DERA: variants seen among roughly 807,000 people sequenced by gnomAD.
DERA encodes the protein 2-deoxy-D-ribose 5-phosphate aldolase.
Under a neutral mutation model 41.1 loss-of-function variants are expected in DERA, and 15 were observed. The observed-to-expected ratio is 0.37, with a 90% CI of 0.24 to 0.56. DERA has a LOEUF of 0.56. Among genes scored for constraint, DERA ranks in the 20% least tolerant of loss-of-function variants. The probability of loss-of-function intolerance (pLI) is 0.81; values close to 1 mark genes in which losing one functional copy is unlikely to be tolerated. For missense variants in DERA, 396 were observed against 403.4 expected (o/e 0.98, Z 0.16); for synonymous variants, 139 against 137.4 (o/e 1.01, Z -0.08).
At chr12:16,031,694 G>A (rs966542703) in intron 6 of DERA, among the ~76,000 whole-genome samples, 1 of 152,102 alleles carries the variant, frequency 6.6e-6, no homozygotes, top group African/African-American at 2.4e-5. Flanking sequence ...TATTGTTTAG[G>A]CTAGATTACT....
chr12:16,022,504 T>TC (rs1208906265), intron 6 of DERA, among the ~76,000 whole-genome samples: 4 of 152,134 alleles, frequency 2.6e-5, no homozygotes, highest in Admixed American at 6.5e-5. Context: ...CATTCTTATT[T>TC]CCCCCCACAC....
At chr12:15,962,979 A>T in intron 5 of DERA, 32 bp downstream of exon 5, 2 of 1,591,362 alleles carry the variant, frequency 1.3e-6, no homozygotes, top group Non-Finnish European at 1.7e-6. Flanking sequence ...AGAGAGTTTC[A>T]CCATTCTTCC....
Position 15,911,663 on chromosome 12 carries a change from T to C in DERA, c.31+249T>C. ...AAGGAGTAGGAAAGGGTTAGATTAT[T>C]ATCTTCCTGCCTTTTCGTTCACTCT... On this transcript the variant is annotated intron_variant, in intron 1 of 8. Coordinates refer to ENST00000428559, the MANE Select transcript of DERA (RefSeq NM_015954.4). This position sits in a 1 kb window ranked among gnomAD's most constrained non-coding sequence, Gnocchi z 4.5. 1.5e-6 allele frequency: 1 copy of C among 689,232 alleles called. No homozygotes were observed. 42.7% of individuals were successfully genotyped at this position (689,232 alleles called of 1,614,324 possible). A position where few individuals can be genotyped will look rare whatever the true frequency, so the allele number is the denominator to read the frequency against.
chr12:15,918,649 T>C lies in DERA; in HGVS notation c.31+7235T>C, dbSNP rs1040994004. Among the ~76,000 whole-genome samples the C allele has an allele frequency of 5.3e-5, 8 of 152,232 alleles. No homozygotes were observed. Among genetic ancestry groups the C allele is most frequent in the Non-Finnish European group, 7.3e-5 (5 of 68,044 alleles). On this transcript the variant is annotated intron_variant, in intron 1 of 8. Transcript: ENST00000428559. This position sits in a 1 kb window ranked among gnomAD's most constrained non-coding sequence, Gnocchi z 4.3. Reference sequence around the variant, plus strand: ...CCTGGCACTTGTTACTTGCTGCTCATGGTCATGGCAGGGATGCCAAGGTGA... The same window carrying C: ...CCTGGCACTTGTTACTTGCTGCTCACGGTCATGGCAGGGATGCCAAGGTGA...
intron 1 of DERA, among the ~76,000 whole-genome samples, chr12:15,950,408 A>G (rs988743075): frequency 2.0e-5 from 3 of 152,206 alleles, no homozygotes; most frequent in Non-Finnish European, 4.4e-5. Flanking sequence ...GGTCACTCTC[A>G]TAGCCATTTT....
In DERA at chr12:15,928,966, G is replaced by A. The variant is rs1948307482; in HGVS notation, c.31+17552G>A. ...GCTGTTAAATCCTGTCCTGCAGACG[G>A]GAGCAGCGTTCTCTGTGAAAACTGG... On this transcript the variant is annotated intron_variant, in intron 1 of 8. Coordinates refer to ENST00000428559, the MANE Select transcript of DERA (RefSeq NM_015954.4). This position sits in a 1 kb window ranked among gnomAD's most constrained non-coding sequence, Gnocchi z 4.6. Among the ~76,000 whole-genome samples the A allele has an allele frequency of 1.3e-5, 2 of 152,128 alleles. No homozygotes were observed. The highest frequency in any genetic ancestry group is 4.8e-5 in the African/African-American group (2 of 41,416).
chr12:15,982,464 T>G lies in DERA; in HGVS notation c.637+28T>G. On this transcript the variant is annotated intron_variant, in intron 6 of 8. Transcript: ENST00000428559. This position sits in a 1 kb window ranked among gnomAD's most constrained non-coding sequence, Gnocchi z 4.0. ...AAGTGTTTTATGTTCAAATAATGTT[T>G]TCTATTGAATTGATGTTTTTAGGAG... is the stretch of plus-strand genomic sequence containing the variant. The G allele has an allele frequency of 6.3e-7, 1 of 1,575,858 alleles. No homozygotes were observed. Among genetic ancestry groups the G allele is most frequent in the Non-Finnish European group, 8.6e-7 (1 of 1,163,364 alleles).
chr12:15,978,263 C>T (rs982514119), intron 5 of DERA, among the ~76,000 whole-genome samples: 1 of 152,148 alleles, frequency 6.6e-6, no homozygotes, highest in Non-Finnish European at 1.5e-5. Context: ...TTTGTGGTTT[C>T]TATGGCTTGT....
chr12:16,024,879 G>A (rs1252396040), intron 6 of DERA, among the ~76,000 whole-genome samples: 1 of 152,128 alleles, frequency 6.6e-6, no homozygotes, highest in Admixed American at 6.5e-5. Context: ...TTATTGAATT[G>A]TTATATTACC....
At chr12:15,956,377 A>G (rs1044258164) in intron 1 of DERA, among the ~76,000 whole-genome samples, 1 of 152,240 alleles carries the variant, frequency 6.6e-6, no homozygotes, top group East Asian at 1.9e-4. Context: ...AACTTCTGTT[A>G]TATCAGTCAA....
chr12:15,964,952 T>C (rs1948612719), intron 5 of DERA, among the ~76,000 whole-genome samples: 2 of 152,222 alleles, frequency 1.3e-5, no homozygotes, highest in South Asian at 4.1e-4. Context: ...TGGACCATAC[T>C]TTTATATTAA....
At position 15,982,744 on chromosome 12, in the gene DERA, T is replaced by C. The variant is rs1948741381; in HGVS notation, c.637+308T>C. ...TTGATTATTCACTCATCAACATATG[T>C]TAGACAGGAATTTCTTTGACTTACT... is the stretch of plus-strand genomic sequence containing the variant. On this transcript the variant is annotated intron_variant, in intron 6 of 8. Transcript: ENST00000428559. This position sits in a 1 kb window ranked among gnomAD's most constrained non-coding sequence, Gnocchi z 4.0. 6.6e-6 allele frequency among the ~76,000 whole-genome samples: 1 copy of C among 152,226 alleles called. No individual in the cohort carries two copies. The highest frequency in any genetic ancestry group is 2.1e-4 in the South Asian group (1 of 4,834).
intron 1 of DERA, among the ~76,000 whole-genome samples, chr12:15,939,446 A>C (rs1299228978): frequency 6.6e-6 from 1 of 152,222 alleles, no homozygotes; most frequent in Non-Finnish European, 1.5e-5. Flanking sequence ...TCCAAAGTGC[A>C]ACTTTAGAAT....
rs1221977975 is a variant in DERA, at chr12:15,995,783, A to G, written c.637+13347A>G. On this transcript the variant is annotated intron_variant, in intron 6 of 8. Coordinates refer to ENST00000428559, the MANE Select transcript of DERA (RefSeq NM_015954.4). This position sits in a 1 kb window ranked among gnomAD's most constrained non-coding sequence, Gnocchi z 5.1. The stretch of plus-strand genomic sequence containing the variant: ...AAGAGTGGTTGGAAAGAAAGTGGAC[A>G]TCTAATTAGGAGGAGGAAAATCCTT... 6.6e-6 allele frequency among the ~76,000 whole-genome samples: 1 copy of G among 152,204 alleles called. No homozygotes were observed. The highest frequency in any genetic ancestry group is 1.5e-5 in the Non-Finnish European group (1 of 68,032).
intron 5 of DERA, among the ~76,000 whole-genome samples, chr12:15,979,458 C>T (rs1246718392): frequency 2.6e-5 from 4 of 152,178 alleles, no homozygotes; most frequent in Non-Finnish European, 4.4e-5. Context: ...GATTCAAAGG[C>T]CTGAGTAGAA....
chr12:15,943,875 C>A lies in DERA; in HGVS notation c.32-13061C>A, dbSNP rs1169847205. ...GTATTTCTCCTAATGCTATCCCTCC[C>A]CCCTCCCCCCACCCCACGACAGACC... On this transcript the variant is annotated intron_variant, in intron 1 of 8. Coordinates refer to ENST00000428559, the MANE Select transcript of DERA (RefSeq NM_015954.4). This position sits in a 1 kb window ranked among gnomAD's most constrained non-coding sequence, Gnocchi z 4.5. 3.9e-4 allele frequency among the ~76,000 whole-genome samples: 43 copies of A among 111,586 alleles called. No homozygotes were observed. Among genetic ancestry groups the A allele is most frequent in the Admixed American group, 3.3e-3 (31 of 9,254 alleles). The allele number at this position is 111,586 out of a possible 152,430, so 73.2% of individuals were successfully genotyped here.
chr12:15,945,815 C>T (rs1207725185), intron 1 of DERA, among the ~76,000 whole-genome samples: 2 of 152,154 alleles, frequency 1.3e-5, no homozygotes, highest in African/African-American at 2.4e-5. Flanking sequence ...TTTCAGTTTT[C>T]AAAGGGAATG....
chr12:15,968,601 T>C (rs1169248551), intron 5 of DERA, among the ~76,000 whole-genome samples: 1 of 152,250 alleles, frequency 6.6e-6, no homozygotes, highest in Non-Finnish European at 1.5e-5. Flanking sequence ...ATTAGACAGA[T>C]CTTGGCTGGA....
chr12:16,027,191 T>C (rs984267108), intron 6 of DERA, among the ~76,000 whole-genome samples: 7 of 152,226 alleles, frequency 4.6e-5, no homozygotes, highest in South Asian at 2.1e-4. Context: ...ATACTTAATA[T>C]TGAGAAATTG....
Sources: gnomAD v4.1 joint callset for allele counts (sites outside exome capture counted in the v4.1 genomes callset) on GRCh38, gnomAD v4.1.1 for gene constraint, Gnocchi (gnomAD v3.1) non-coding constraint, MANE v1.5 for transcripts, NCBI Gene and HGNC (gene_info 2026-07-23, HGNC 2026-07-21) for gene names.